MAGI2: variants seen among roughly 807,000 people sequenced by gnomAD.
MAGI2 encodes membrane-associated guanylate kinase, WW and PDZ domain-containing protein 2.
Under a neutral mutation model 133.3 loss-of-function variants are expected in MAGI2, and 35 were observed. The observed-to-expected ratio is 0.26, with a 90% CI of 0.20 to 0.35. The LOEUF (loss-of-function observed/expected upper bound fraction) is 0.35, where lower values mean the gene tolerates loss of function less well. MAGI2 is among the 10% of genes least tolerant of loss of function. The pLI, the probability that MAGI2 is intolerant of heterozygous loss-of-function variation, is 1.00. For missense variants in MAGI2, 1,636 were observed against 1,863.4 expected, an observed-to-expected ratio of 0.88 and a Z score of 2.25; for synonymous variants, 729 against 710.6, an observed-to-expected ratio of 1.03 and a Z score of -0.41.
intron 21 of MAGI2, among the ~76,000 whole-genome samples, chr7:78,052,818 A>T (rs915894295): frequency 8.5e-5 from 13 of 152,184 alleles, no homozygotes; most frequent in East Asian, 3.9e-4. Context: ...ATAATCAAGG[A>T]TATATATGGG....
intron 3 of MAGI2, among the ~76,000 whole-genome samples, chr7:78,547,385 A>G (rs887961392): frequency 3.9e-5 from 6 of 152,238 alleles, no homozygotes; most frequent in African/African-American, 1.2e-4. Context: ...CAGTTCATAA[A>G]CAATAAGAAA....
At chr7:78,963,559 A>T (rs968116227) in intron 2 of MAGI2, among the ~76,000 whole-genome samples, 1 of 152,044 alleles carries the variant, frequency 6.6e-6, no homozygotes, top group African/African-American at 2.4e-5. Context: ...AACAACATGT[A>T]AACTGGGAGA....
At chr7:79,090,661 G>A (rs1321674633) in intron 1 of MAGI2, among the ~76,000 whole-genome samples, 1 of 152,100 alleles carries the variant, frequency 6.6e-6, no homozygotes, top group African/African-American at 2.4e-5. Context: ...GGAAATTACA[G>A]CTATCATTTG....
intron 3 of MAGI2, among the ~76,000 whole-genome samples, chr7:78,570,111 C>T (rs1801355749): frequency 6.6e-6 from 1 of 152,076 alleles, no homozygotes. Flanking sequence ...TTGTACACGT[C>T]CTTTGGTGAA....
At chr7:78,262,851 G>A (rs1477825489) in intron 9 of MAGI2, among the ~76,000 whole-genome samples, 1 of 152,080 alleles carries the variant, frequency 6.6e-6, no homozygotes, top group Non-Finnish European at 1.5e-5. Flanking sequence ...AGATTCAGAG[G>A]ATACATGCGT....
At chr7:78,523,565 A>T (rs62468578) in intron 3 of MAGI2, among the ~76,000 whole-genome samples, 8,634 of 152,188 alleles carry the variant, frequency 0.057, 292 homozygotes, top group Middle Eastern at 0.16. Context: ...GGTTTAATTG[A>T]CTCACATTTT....
chr7:78,338,430 T>G (rs1227776166), intron 9 of MAGI2, among the ~76,000 whole-genome samples: 1 of 152,208 alleles, frequency 6.6e-6, no homozygotes, highest in Non-Finnish European at 1.5e-5. Flanking sequence ...CAGAACGGAT[T>G]CCCCCTTTCC....
At chr7:78,735,576 C>T (rs1821768512) in intron 2 of MAGI2, among the ~76,000 whole-genome samples, 1 of 152,156 alleles carries the variant, frequency 6.6e-6, no homozygotes, top group African/African-American at 2.4e-5. Flanking sequence ...ACAGAGATGA[C>T]TACAATTTTG....
At chr7:78,425,832 C>T (rs1799226236) in intron 6 of MAGI2, among the ~76,000 whole-genome samples, 1 of 152,180 alleles carries the variant, frequency 6.6e-6, no homozygotes, top group African/African-American at 2.4e-5. Flanking sequence ...ACTGCCCTAG[C>T]AAATAAATTA....
intron 2 of MAGI2, among the ~76,000 whole-genome samples, chr7:78,961,749 G>T (rs181229265): frequency 6.6e-6 from 1 of 151,996 alleles, no homozygotes; most frequent in Non-Finnish European, 1.5e-5. Context: ...TAATTTTATC[G>T]TCTAAATACA....
intron 3 of MAGI2, among the ~76,000 whole-genome samples, chr7:78,598,829 G>T (rs1804886910): frequency 6.6e-6 from 1 of 152,134 alleles, no homozygotes; most frequent in Admixed American, 6.5e-5. Flanking sequence ...CATGTTTCTG[G>T]CTTGAGAAAG....
intron 2 of MAGI2, among the ~76,000 whole-genome samples, chr7:78,935,708 A>G (rs1198362248): frequency 6.6e-6 from 1 of 152,028 alleles, no homozygotes; most frequent in African/African-American, 2.4e-5. Context: ...TCTGCCCTTT[A>G]CCAAGCCACA....
chr7:79,183,006 A>G (rs760401583), intron 1 of MAGI2, among the ~76,000 whole-genome samples: 3 of 151,920 alleles, frequency 2.0e-5, no homozygotes, highest in Non-Finnish European at 4.4e-5. Flanking sequence ...GATCACATGG[A>G]GGTAGAGTAA....
chr7:78,160,913 T>C (rs1333939460), intron 15 of MAGI2, among the ~76,000 whole-genome samples: 4 of 152,262 alleles, frequency 2.6e-5, no homozygotes, highest in African/African-American at 9.6e-5. Context: ...AGTATTGATT[T>C]ACTTCATGTA....
At chr7:79,248,984 C>T (rs1833023190) in intron 1 of MAGI2, among the ~76,000 whole-genome samples, 1 of 152,034 alleles carries the variant, frequency 6.6e-6, no homozygotes, top group Non-Finnish European at 1.5e-5. Flanking sequence ...CTGCCTCAGC[C>T]ACCCAAGTAG....
At position 78,019,488 on chromosome 7, in the gene MAGI2, C is replaced by CGCCGCT. The variant is rs1490300300; in HGVS notation, c.4189_4194dup (p.Ser1397_Gly1398dup). The CGCCGCT allele has an allele frequency of 1.2e-5, 12 of 980,136 alleles. No individual in the cohort carries two copies. The highest frequency in any genetic ancestry group is 1.3e-5 in the Non-Finnish European group (11 of 828,084). The allele number at this position is 980,136 out of a possible 1,614,324, so 60.7% of individuals were successfully genotyped here. The stretch of plus-strand genomic sequence containing the variant: ...CCCGCCCTGCCCTCGGCCTCCAGCG[C>CGCCGCT]GCCGCTGCCGCCGCCGCCCGGGCCG... On this transcript the variant is annotated inframe_insertion, in exon 22 of 22. Coordinates refer to ENST00000354212, the MANE Select transcript of MAGI2 (RefSeq NM_012301.4).
At chr7:78,278,605 T>C (rs1562737677) in intron 9 of MAGI2, among the ~76,000 whole-genome samples, 1 of 152,160 alleles carries the variant, frequency 6.6e-6, no homozygotes, top group Admixed American at 6.6e-5. Context: ...GCTTGGTAAA[T>C]ACATTTTGTG....
chr7:78,748,499 C>T (rs1328138105), intron 2 of MAGI2, among the ~76,000 whole-genome samples: 1 of 152,184 alleles, frequency 6.6e-6, no homozygotes, highest in East Asian at 1.9e-4. Flanking sequence ...AAGACATACA[C>T]TATGAAAAAG....
At chr7:79,069,077 T>G (rs765167224) in intron 1 of MAGI2, among the ~76,000 whole-genome samples, 2 of 152,114 alleles carry the variant, frequency 1.3e-5, no homozygotes, top group Non-Finnish European at 2.9e-5. Flanking sequence ...TATATTCTGT[T>G]GATTTGGGGT....
Sources: allele counts gnomAD v4.1 joint callset (sites outside exome capture counted in the v4.1 genomes callset), GRCh38; gene constraint gnomAD v4.1.1; transcripts MANE v1.5; gene names NCBI Gene and HGNC (gene_info 2026-07-23, HGNC 2026-07-21).